BMPER: variants seen among roughly 807,000 people sequenced by gnomAD.
BMPER encodes BMP binding endothelial regulator.
In BMPER, 45 loss-of-function variants were observed where a neutral mutation model predicts 87.3. The observed-to-expected ratio is 0.52, with a 90% confidence interval of 0.41 to 0.66. BMPER has a LOEUF of 0.66. Ranked by LOEUF, BMPER falls within the 30% of genes least tolerant of loss-of-function variation. The pLI, the probability that BMPER is intolerant of heterozygous loss-of-function variation, is 0.00. For synonymous variants in BMPER, 326 were observed against 316.2 expected (o/e 1.03, Z -0.33); for missense variants, 784 against 867.5 (o/e 0.90, Z 1.21).
intron 3 of BMPER, among the ~76,000 whole-genome samples, chr7:33,945,531 T>A (rs1283825956): frequency 6.6e-6 from 1 of 152,098 alleles, no homozygotes; most frequent in Non-Finnish European, 1.5e-5. Context: ...GGATTACAGC[T>A]GTAAGCCACC....
chr7:34,150,712 C>T (rs1211635682), intron 14 of BMPER, among the ~76,000 whole-genome samples: 1 of 152,076 alleles, frequency 6.6e-6, no homozygotes. Context: ...GTCAATCCAC[C>T]CACTCACTCA....
intron 6 of BMPER, among the ~76,000 whole-genome samples, chr7:34,017,990 C>T (rs903036874): frequency 1.7e-4 from 26 of 151,670 alleles, no homozygotes; most frequent in African/African-American, 4.3e-4. Flanking sequence ...AAACAAAACC[C>T]GTAGTTGAGT....
chr7:33,975,691 C>T (rs1697586595), intron 6 of BMPER, among the ~76,000 whole-genome samples: 1 of 152,074 alleles, frequency 6.6e-6, no homozygotes, highest in Admixed American at 6.6e-5. Context: ...ATACATTTTC[C>T]AAGTCACTTG....
At chr7:34,032,949 A>G (rs866943971) in intron 6 of BMPER, among the ~76,000 whole-genome samples, 1 of 152,180 alleles carries the variant, frequency 6.6e-6, no homozygotes, top group Non-Finnish European at 1.5e-5. Context: ...CAAGGCTGCA[A>G]CAGGCCAAAC....
chr7:34,100,135 CA>C (rs1305095874), intron 13 of BMPER, among the ~76,000 whole-genome samples: 9 of 152,096 alleles, frequency 5.9e-5, no homozygotes, highest in African/African-American at 2.2e-4. Context: ...GTTACGATTA[CA>C]GGGGTGAGAT....
intron 13 of BMPER, among the ~76,000 whole-genome samples, chr7:34,111,122 A>G (rs946538032): frequency 2.0e-5 from 3 of 152,248 alleles, no homozygotes; most frequent in Admixed American, 6.5e-5. Flanking sequence ...CCTGTTAACA[A>G]CTTGTTGGAA....
intron 14 of BMPER, among the ~76,000 whole-genome samples, 180 bp from the exon 15 acceptor site, chr7:34,152,912 G>A (rs879269270): frequency 6.6e-6 from 1 of 152,128 alleles, no homozygotes; most frequent in African/African-American, 2.4e-5. Flanking sequence ...AGATGTAGCT[G>A]ATTCCCAGAG....
rs537656283 is a variant in BMPER at position 34,142,396 on chromosome 7, C to T, written c.1746-834C>T. ...GCCTTGTTTACCATCCAGTGACAGG[C>T]TCCGTGTGAAAGCATTTTGTAAACT... On this transcript the variant is annotated intron_variant, in intron 13 of 14. Coordinates refer to ENST00000649409, the MANE Select transcript of BMPER (RefSeq NM_001365308.1). Among the ~76,000 whole-genome samples, 592 of 152,282 alleles carry T rather than the reference C, an allele frequency of 3.9e-3. 2 individuals are homozygous for T. The highest frequency in any genetic ancestry group is 0.014 in the African/African-American group (578 of 41,564).
chr7:33,933,118 G>T (rs182462693), intron 2 of BMPER, among the ~76,000 whole-genome samples: 37 of 152,290 alleles, frequency 2.4e-4, no homozygotes, highest in Non-Finnish European at 4.3e-4. Context: ...CTTGCGGCGG[G>T]AGCTGTGGTT....
intron 11 of BMPER, chr7:34,067,366 A>G (rs1313888241): frequency 2.0e-5 from 3 of 152,154 alleles, no homozygotes; most frequent in African/African-American, 4.8e-5. Context: ...GGGGGAGACT[A>G]TAATAACAAT....
intron 6 of BMPER, among the ~76,000 whole-genome samples, chr7:34,037,081 G>A (rs557637534): frequency 1.3e-5 from 2 of 152,050 alleles, no homozygotes; most frequent in Admixed American, 1.3e-4. Flanking sequence ...GCTCACACCT[G>A]TAATTGTGCT....
chr7:34,096,274 A>G (rs1789528706), intron 13 of BMPER, among the ~76,000 whole-genome samples: 1 of 152,188 alleles, frequency 6.6e-6, no homozygotes, highest in Non-Finnish European at 1.5e-5. Flanking sequence ...ATCATGACTC[A>G]GTGAAACCAC....
intron 13 of BMPER, among the ~76,000 whole-genome samples, chr7:34,113,897 A>G (rs919244049): frequency 1.3e-5 from 2 of 152,030 alleles, no homozygotes; most frequent in African/African-American, 2.4e-5. Context: ...TGATGTTTCT[A>G]TCTCTTGTCT....
intron 13 of BMPER, among the ~76,000 whole-genome samples, chr7:34,120,843 C>T (rs775510463): frequency 1.6e-4 from 24 of 151,928 alleles, no homozygotes; most frequent in Non-Finnish European, 2.8e-4. Flanking sequence ...ATTGTGGAAA[C>T]ATAATATTGC....
intron 7 of BMPER, among the ~76,000 whole-genome samples, chr7:34,048,429 A>G (rs1788050052): frequency 6.6e-6 from 1 of 152,184 alleles, no homozygotes; most frequent in African/African-American, 2.4e-5. Flanking sequence ...ATGCCTGATT[A>G]AAGACATTTT....
At chr7:34,147,464 GT>G (rs201125904) in intron 14 of BMPER, among the ~76,000 whole-genome samples, 1 of 151,842 alleles carries the variant, frequency 6.6e-6, no homozygotes, top group Non-Finnish European at 1.5e-5. Flanking sequence ...GCAGATCCCT[GT>G]TTTTTTTGTT....
intron 1 of BMPER, among the ~76,000 whole-genome samples, chr7:33,906,514 T>C (rs146613553): frequency 9.3e-4 from 141 of 152,322 alleles, no homozygotes; most frequent in African/African-American, 3.3e-3. Context: ...TTGAAATATC[T>C]TCATAAAGGA....
chr7:34,085,990 G>A lies in BMPER; in HGVS notation c.1643G>A (p.Gly548Glu), dbSNP rs2127977118. ...AAGCCAGTGCCTGAACTGTGTCAAG[G>A]GACAGTCAAGGTAAAGCTCCGGGCC... is the stretch of plus-strand genomic sequence containing the variant. ...QRKPVPELCQGTVKVKLRAHR... is the reference protein window; with the variant it reads ...QRKPVPELCQETVKVKLRAHR... Residue 548 changes from glycine to glutamate, a missense_variant, in exon 13 of 15, where the codon GGG becomes GAG. Gly to Glu is a moderately conservative substitution (Grantham distance 98). Transcript: ENST00000649409. The A allele has an allele frequency of 1.9e-6, 3 of 1,614,090 alleles. No individual in the cohort carries two copies. Among genetic ancestry groups the A allele is most frequent in the Admixed American group, 1.7e-5 (1 of 60,018 alleles).
intron 7 of BMPER, 111 bp downstream of exon 7, chr7:34,046,516 G>C: frequency 1.8e-6 from 2 of 1,137,620 alleles, no homozygotes; most frequent in South Asian, 1.3e-5. Flanking sequence ...CTATTTCGTG[G>C]CTTGTTAGAG....
Sources: allele counts gnomAD v4.1 joint callset (sites outside exome capture counted in the v4.1 genomes callset), GRCh38; gene constraint gnomAD v4.1.1; transcripts MANE v1.5; gene names NCBI Gene and HGNC (gene_info 2026-07-23, HGNC 2026-07-21).